PFKFB3: variants seen among roughly 807,000 people sequenced by gnomAD.
The protein encoded by PFKFB3 is 6-phosphofructo-2-kinase/fructose-2,6-biphosphatase 3.
A neutral mutation model predicts 68.0 loss-of-function variants in PFKFB3; 33 were observed. The ratio of observed to expected loss-of-function variants is 0.49; its 90% CI spans 0.37 to 0.65. The LOEUF is 0.65. Among genes scored for constraint, PFKFB3 ranks in the 30% least tolerant of loss-of-function variants. The pLI is 0.00. For synonymous variants in PFKFB3, 315 were observed against 288.2 expected, an observed-to-expected ratio of 1.09 and a Z score of -0.94; for missense variants, 586 against 712.2, an observed-to-expected ratio of 0.82 and a Z score of 2.02.
chr10:6,152,016 A>C (rs1841609187), intron 1 of PFKFB3, among the ~76,000 whole-genome samples: 1 of 151,868 alleles, frequency 6.6e-6, no homozygotes, highest in African/African-American at 2.4e-5. Context: ...CTGATTTGAT[A>C]GTTTCTGCCT....
intron 14 of PFKFB3, among the ~76,000 whole-genome samples, chr10:6,244,079 T>TG (rs902934120): frequency 7.2e-4 from 110 of 152,164 alleles, no homozygotes; most frequent in African/African-American, 2.6e-3. Flanking sequence ...AGGCTAGTCT[T>TG]GAAGTCCTGG....
rs374018806 is a variant in PFKFB3, at chr10:6,217,286, C to T, written c.498+95C>T. 5.9e-4 allele frequency: 628 copies of T among 1,069,902 alleles called. 2 individuals are homozygous for T. The highest frequency in any genetic ancestry group is 5.2e-3 in the African/African-American group (334 of 64,660). The allele number at this position is 1,069,902 out of a possible 1,614,324, so 66.3% of individuals were successfully genotyped here. ...TGGGGGACCGGGTCCGGCTCGGAAG[C>T]GCAGCTGAGCCCTTAGGATGAGCAG... On this transcript the variant is annotated intron_variant, in intron 6 of 14. Coordinates refer to ENST00000379775, the MANE Select transcript of PFKFB3 (RefSeq NM_004566.4).
intron 13 of PFKFB3, chr10:6,224,584 G>T: frequency 2.3e-6 from 1 of 430,130 alleles, no homozygotes; most frequent in South Asian, 1.7e-5. Context: ...GGGTTCAAGT[G>T]ATCCTCCCGC....
chr10:6,213,505 A>G, intron 1 of PFKFB3, 118 bp from the exon 2 acceptor site: 1 of 1,214,578 alleles, frequency 8.2e-7, no homozygotes, highest in South Asian at 1.4e-5. Flanking sequence ...CAACAGAGTG[A>G]GACCCTGTCT....
chr10:6,172,937 G>A (rs529415747), intron 1 of PFKFB3, among the ~76,000 whole-genome samples: 133 of 152,060 alleles, frequency 8.7e-4, no homozygotes, highest in Non-Finnish European at 8.4e-4. Context: ...AAAGCAGGCC[G>A]CTCCATGCTC....
the PFKFB3 span, among the ~76,000 whole-genome samples, chr10:6,262,250 C>T: frequency 4.6e-5 from 7 of 151,472 alleles, no homozygotes; most frequent in South Asian, 2.1e-4. Flanking sequence ...GTCAGGAGAT[C>T]GAGACCATCC....
intron 1 of PFKFB3, among the ~76,000 whole-genome samples, chr10:6,178,110 A>G (rs912143769): frequency 6.6e-6 from 1 of 152,176 alleles, no homozygotes; most frequent in Non-Finnish European, 1.5e-5. Flanking sequence ...GTTTGGCCCC[A>G]GTCTTGGTGA....
At position 6,228,160 on chromosome 10, in the gene PFKFB3, T is replaced by G; in HGVS notation, c.1515+1795T>G. 6.2e-7 allele frequency: 1 copy of G among 1,612,634 alleles called. No individual in the cohort carries two copies. The highest frequency in any genetic ancestry group is 8.5e-7 in the Non-Finnish European group (1 of 1,179,752). Reference sequence around the variant, plus strand: ...TCGTCCCTGCAGATTGCGCCCTGCCTCCTGACTGACTTCTCTCTCTGCTTC... The same window carrying G: ...TCGTCCCTGCAGATTGCGCCCTGCCGCCTGACTGACTTCTCTCTCTGCTTC... On this transcript the variant is annotated intron_variant, in intron 14 of 14. Coordinates refer to ENST00000379775, the MANE Select transcript of PFKFB3 (RefSeq NM_004566.4). This position sits in a 1 kb window ranked among gnomAD's most constrained non-coding sequence, Gnocchi z 4.5.
chr10:6,217,592 T>C (rs368759374), intron 6 of PFKFB3, among the ~76,000 whole-genome samples: 14 of 152,082 alleles, frequency 9.2e-5, no homozygotes, highest in African/African-American at 3.4e-4. Flanking sequence ...TGCTTGGGCA[T>C]TGGCAAAAGT....
chr10:6,224,286 G>A (rs1465384660), intron 13 of PFKFB3, 73 bp downstream of exon 13: 6 of 1,475,372 alleles, frequency 4.1e-6, no homozygotes, highest in Non-Finnish European at 5.7e-6. Context: ...GCGCTCAGGA[G>A]GCCCCGGGGC....
intron 2 of PFKFB3, 30 bp downstream of exon 2, chr10:6,213,778 G>C: frequency 6.2e-7 from 1 of 1,602,630 alleles, no homozygotes; most frequent in South Asian, 1.1e-5. Flanking sequence ...CCGGACCCCT[G>C]CTCGTGCAAA....
intron 1 of PFKFB3, among the ~76,000 whole-genome samples, chr10:6,204,506 C>A (rs4750075): frequency 2.6e-5 from 4 of 152,162 alleles, no homozygotes; most frequent in Non-Finnish European, 5.9e-5. Context: ...CCAGACCTGC[C>A]CCTCTCCCCA....
chr10:6,271,643 TGA>T, the PFKFB3 span, among the ~76,000 whole-genome samples: 1 of 152,202 alleles, frequency 6.6e-6, no homozygotes, highest in Non-Finnish European at 1.5e-5. Flanking sequence ...CCCAAGCCTA[TGA>T]GTCTCTAACT....
At chr10:6,250,552 C>T (rs567804664) in intron 14 of PFKFB3, among the ~76,000 whole-genome samples, 7 of 145,176 alleles carry the variant, frequency 4.8e-5, no homozygotes, top group Non-Finnish European at 1.0e-4. Flanking sequence ...GCCTGGGCGA[C>T]AGAGCGAGAC....
chr10:6,205,059 GC>G (rs1843595725), intron 1 of PFKFB3, among the ~76,000 whole-genome samples: 2 of 152,180 alleles, frequency 1.3e-5, no homozygotes, highest in African/African-American at 4.8e-5. Context: ...TGAGAGATTT[GC>G]CTAAGAATCC....
chr10:6,184,905 C>T (rs1308250964), intron 1 of PFKFB3, among the ~76,000 whole-genome samples: 1 of 152,054 alleles, frequency 6.6e-6, no homozygotes, highest in Non-Finnish European at 1.5e-5. Context: ...AGCCTGCCGG[C>T]CTTCCTCATG....
chr10:6,162,243 G>A (rs79927965), intron 1 of PFKFB3, among the ~76,000 whole-genome samples: 1,645 of 152,288 alleles, frequency 0.011, 67 homozygotes, highest in East Asian at 0.099. Context: ...GCGGAGTAAT[G>A]TTCTGTGTGT....
intron 1 of PFKFB3, among the ~76,000 whole-genome samples, chr10:6,211,743 G>C (rs1844243583): frequency 6.6e-6 from 1 of 152,186 alleles, no homozygotes; most frequent in Non-Finnish European, 1.5e-5. Context: ...TAGGTCACTG[G>C]ACATCAAGAG....
the PFKFB3 span, among the ~76,000 whole-genome samples, chr10:6,262,021 A>AAC: frequency 2.4e-4 from 36 of 148,958 alleles, no homozygotes; most frequent in Non-Finnish European, 3.7e-4. Context: ...ACAAAAAACA[A>AAC]AAAAAAAAAC....
Sources: allele counts gnomAD v4.1 joint callset (sites outside exome capture counted in the v4.1 genomes callset), GRCh38; gene constraint gnomAD v4.1.1; non-coding constraint Gnocchi (gnomAD v3.1); transcripts MANE v1.5; gene names NCBI Gene and HGNC (gene_info 2026-07-23, HGNC 2026-07-21).